The following HNRNPA3 variants were observed in gnomAD, a reference collection of about 807,000 sequenced individuals.
The protein encoded by HNRNPA3 is epididymis secretory sperm binding protein.
HNRNPA3 carries 3 observed loss-of-function variants against 45.8 expected under a neutral mutation model. That is an observed-to-expected ratio of 0.07 (90% confidence interval 0.03 to 0.17). The LOEUF (loss-of-function observed/expected upper bound fraction) is 0.17. Ranked by LOEUF, HNRNPA3 falls within the 10% of genes least tolerant of loss-of-function variation. HNRNPA3 has a pLI of 1.00. For missense variants in HNRNPA3, 183 were observed against 480.3 expected (o/e 0.38, Z 5.79); for synonymous variants, 170 against 155.6 (o/e 1.09, Z -0.69).
At chr2:177,222,306 C>G (rs1406614893), downstream of HNRNPA3, 1 of 152,180 alleles carries the variant, frequency 6.6e-6, no homozygotes, top group African/African-American at 2.4e-5. Flanking sequence ...TTTAAAAATT[C>G]CCCTGCGAAA....
intron 8 of HNRNPA3, 49 bp downstream of exon 8, chr2:177,217,894 A>G (rs1689013752): frequency 1.4e-6 from 2 of 1,473,418 alleles, no homozygotes; most frequent in South Asian, 2.7e-5. Context: ...AGTGTTGCTA[A>G]CAGTTCCCAT....
In HNRNPA3 at chr2:177,219,316, T is replaced by A. The variant is rs1027422327; in HGVS notation, c.*15+2T>A. 29 of 1,598,238 alleles carry A rather than the reference T, an allele frequency of 1.8e-5. No individual in the cohort carries two copies. The highest frequency in any genetic ancestry group is 2.2e-5 in the Non-Finnish European group (26 of 1,170,192). Reference sequence around the variant, plus strand: ...AGGTTCTAAAAACAGCAGAAAAGGGTAGGTATCTTTAAATTTTTATTATGA... The same window carrying A: ...AGGTTCTAAAAACAGCAGAAAAGGGAAGGTATCTTTAAATTTTTATTATGA... On this transcript the variant is annotated splice_donor_variant, in intron 10 of 10. Coordinates refer to ENST00000392524, the Ensembl canonical transcript of HNRNPA3. LOFTEE classifies it low-confidence loss of function (3UTR_SPLICE).
intron 1 of HNRNPA3, among the ~76,000 whole-genome samples, chr2:177,213,075 G>T (rs902299466): frequency 3.0e-4 from 45 of 152,168 alleles, no homozygotes; most frequent in Non-Finnish European, 6.3e-4. Flanking sequence ...TGCACAGGCG[G>T]CCCCTTGGAG....
intron 1 of HNRNPA3, among the ~76,000 whole-genome samples, chr2:177,214,889 T>C (rs1352117512): frequency 3.3e-5 from 5 of 152,194 alleles, no homozygotes; most frequent in South Asian, 4.1e-4. Flanking sequence ...TCCAACAGTT[T>C]AGTGCCTTAG....
chr2:177,223,150 AGAGTT>A (rs1351413499), downstream of HNRNPA3: 1 of 152,318 alleles, frequency 6.6e-6, no homozygotes, highest in Non-Finnish European at 1.5e-5. Context: ...GCAGTTTGCC[AGAGTT>A]TAGTCTCAGA....
rs766781606 is a variant in HNRNPA3 at position 177,216,469 on chromosome 2, AC to A, written c.554-33del. The A allele has an allele frequency of 2.1e-4, 307 of 1,496,794 alleles. 3 individuals carry two copies. Among genetic ancestry groups the A allele is most frequent in the Non-Finnish European group, 4.7e-5 (51 of 1,077,982 alleles). The allele number at this position is 1,496,794 out of a possible 1,614,324, so 92.7% of individuals were successfully genotyped here. On this transcript the variant is annotated intron_variant, in intron 4 of 10. Coordinates refer to ENST00000392524, the Ensembl canonical transcript of HNRNPA3. ...TATGTGCTTTTCCAAACATAAAATA[AC>A]TTTTTGTTTTGTTTGATTGAAAAAA...
chr2:177,216,484 T>C lies in HNRNPA3; in HGVS notation c.554-19T>C, dbSNP rs1688945480. ...ACATAAAATAACTTTTTGTTTTGTTTGATTGAAAAAAAATTTAGTTCAGAA... is the reference window on the plus strand; with the variant it reads ...ACATAAAATAACTTTTTGTTTTGTTCGATTGAAAAAAAATTTAGTTCAGAA... On this transcript the variant is annotated intron_variant, in intron 4 of 10. Transcript: ENST00000392524. 1.9e-6 allele frequency: 3 copies of C among 1,587,848 alleles called. No homozygotes were observed. Among genetic ancestry groups the C allele is most frequent in the Middle Eastern group, 1.7e-4 (1 of 6,018 alleles).
exon 8 of HNRNPA3, chr2:177,217,832 A>G (rs1574243693): frequency 3.8e-6 from 6 of 1,577,996 alleles, no homozygotes; most frequent in Non-Finnish European, 5.2e-6. Context: ...ATGAAGGAGG[A>G]AATTTTGGCG....
chr2:177,213,552 T>A (rs764065419), intron 1 of HNRNPA3, among the ~76,000 whole-genome samples: 6 of 152,248 alleles, frequency 3.9e-5, no homozygotes, highest in Non-Finnish European at 7.3e-5. Context: ...AAAACTTTGC[T>A]GCTTTAAAAT....
chr2:177,217,621 A>C lies in HNRNPA3; in HGVS notation c.821-84A>C, dbSNP rs1222051410. The C allele has an allele frequency of 6.5e-6, 10 of 1,536,786 alleles. No homozygotes were observed. In the Admixed American group the frequency reaches 1.5e-4, roughly 23 times the overall value. ...GAGCCCGGGCAACAGAGCAAGACCCAGTCTCTTACACACACACCAGAATTG... is the reference window on the plus strand; with the variant it reads ...GAGCCCGGGCAACAGAGCAAGACCCCGTCTCTTACACACACACCAGAATTG... On this transcript the variant is annotated intron_variant, in intron 7 of 10. Transcript: ENST00000392524.
exon 5 of HNRNPA3, chr2:177,216,584 C>T: frequency 6.2e-7 from 1 of 1,613,668 alleles, no homozygotes; most frequent in Non-Finnish European, 8.5e-7. Flanking sequence ...TCTGCTGGAT[C>T]ACAGAGAGGT....
At position 177,218,055 on chromosome 2, in the gene HNRNPA3, T is replaced by TC. The variant is rs1359482145; in HGVS notation, c.961+210_961+211insC. 3.5e-4 allele frequency among the ~76,000 whole-genome samples: 4 copies of TC among 11,320 alleles called. No homozygotes were observed. In the East Asian group the frequency reaches 0.015, roughly 42 times the overall value. The allele number at this position is 11,320 out of a possible 152,430, so 7.4% of individuals were successfully genotyped here. A position where few individuals can be genotyped will look rare whatever the true frequency, so the allele number is the denominator to read the frequency against. On this transcript the variant is annotated intron_variant, in intron 8 of 10. Coordinates refer to ENST00000392524, the Ensembl canonical transcript of HNRNPA3. ...AATGTACTCAGCTCTCTTTTTTCTTTTTTTTTTTTTTTTTTTTTTTTTTTG... is the reference window on the plus strand; with the variant it reads ...AATGTACTCAGCTCTCTTTTTTCTTTCTTTTTTTTTTTTTTTTTTTTTTTTG...
In HNRNPA3 at chr2:177,219,329, A is replaced by G. The variant is rs745638293; in HGVS notation, c.*15+15A>G. On this transcript the variant is annotated intron_variant, in intron 10 of 10. Transcript: ENST00000392524. ...AGCAGAAAAGGGTAGGTATCTTTAA[A>G]TTTTTATTATGATGATAAAAGAATA... 3.7e-5 allele frequency: 58 copies of G among 1,563,198 alleles called. 2 individuals are homozygous for G. In the South Asian group the frequency reaches 6.1e-4, roughly 17 times the overall value.
intron 8 of HNRNPA3, 66 bp from the exon 9 acceptor site, chr2:177,218,971 C>A: frequency 2.5e-6 from 4 of 1,576,700 alleles, no homozygotes; most frequent in Non-Finnish European, 2.6e-6. Context: ...ATAATAGTTA[C>A]ATACGTTAAA....
At position 177,218,839 on chromosome 2, in the gene HNRNPA3, G is replaced by A. The variant is rs143469679; in HGVS notation, c.962-198G>A. Among the ~76,000 whole-genome samples the A allele has an allele frequency of 2.3e-3, 346 of 152,306 alleles. 1 individual carries two copies. Among genetic ancestry groups the A allele is most frequent in the Non-Finnish European group, 3.9e-3 (263 of 68,034 alleles). ...GGTGTTAATGGTAGAGAGAACATGCGCCTAGAGGACAGCATTTAATATAAA... is the reference window on the plus strand; with the variant it reads ...GGTGTTAATGGTAGAGAGAACATGCACCTAGAGGACAGCATTTAATATAAA... On this transcript the variant is annotated intron_variant, in intron 8 of 10. Transcript: ENST00000392524.
At chr2:177,223,630 G>C (rs2886159), downstream of HNRNPA3, 2 of 152,296 alleles carry the variant, frequency 1.3e-5, no homozygotes. Context: ...ACAGTATCTT[G>C]GGAGTTCCAG....
chr2:177,219,314 G>T lies in HNRNPA3; in HGVS notation c.*15G>T, dbSNP rs764184392. The T allele has an allele frequency of 4.4e-6, 7 of 1,604,574 alleles. No homozygotes were observed. The highest frequency in any genetic ancestry group is 6.0e-6 in the Non-Finnish European group (7 of 1,174,174). ...GAAGGTTCTAAAAACAGCAGAAAAG[G>T]GTAGGTATCTTTAAATTTTTATTAT... On this transcript the variant is annotated splice_region_variant and 3_prime_UTR_variant, in exon 10 of 11. Transcript: ENST00000392524.
intron 1 of HNRNPA3, 77 bp from the exon 2 acceptor site, chr2:177,215,462 C>T: frequency 2.9e-6 from 4 of 1,392,356 alleles, no homozygotes; most frequent in Non-Finnish European, 3.0e-6. Context: ...TTATTACTTA[C>T]CGTACATTAA....
chr2:177,216,404 A>T, intron 4 of HNRNPA3, 99 bp from the exon 5 acceptor site: 1 of 848,124 alleles, frequency 1.2e-6, no homozygotes, highest in South Asian at 1.6e-5. Context: ...CTACCTGATT[A>T]TGTCTTAATG....
Sources: gnomAD v4.1 joint callset for allele counts (sites outside exome capture counted in the v4.1 genomes callset) on GRCh38, gnomAD v4.1.1 for gene constraint, MANE v1.5 for transcripts, NCBI Gene and HGNC (gene_info 2026-07-23, HGNC 2026-07-21) for gene names.